Variants in MAPK14 observed in about 807,000 individuals in gnomAD.
MAPK14 encodes mitogen-activated protein kinase 14, also known as CSAID-binding protein.
In MAPK14, 16 loss-of-function variants were observed where a neutral mutation model predicts 49.6. The ratio of observed to expected loss-of-function variants is 0.32; its 90% CI spans 0.22 to 0.49. The LOEUF (loss-of-function observed/expected upper bound fraction) is 0.49. Among genes scored for constraint, MAPK14 ranks in the 20% least tolerant of loss-of-function variants. The pLI, the probability that MAPK14 is intolerant of heterozygous loss-of-function variation, is 0.99. For synonymous variants in MAPK14, 142 were observed against 158.0 expected (o/e 0.90, Z 0.76); for missense variants, 200 against 441.2 (o/e 0.45, Z 4.90).
intron 10 of MAPK14, among the ~76,000 whole-genome samples, chr6:36,103,631 C>T (rs1765708820): frequency 6.6e-6 from 1 of 152,194 alleles, no homozygotes; most frequent in Admixed American, 6.5e-5. Flanking sequence ...GACACTGTGC[C>T]TGGCGGACTA....
chr6:36,028,320 G>C lies in MAPK14; in HGVS notation c.116+47G>C. The C allele has an allele frequency of 2.2e-6, 3 of 1,359,806 alleles. No homozygotes were observed. The highest frequency in any genetic ancestry group is 2.3e-5 in the South Asian group (2 of 85,326). The allele number at this position is 1,359,806 out of a possible 1,614,324, so 84.2% of individuals were successfully genotyped here. ...GCCGCTGTGGGCAGGGTGGCCCCTC[G>C]CGCCCGAGGGCCAGGCCTGCTCCAC... is the stretch of plus-strand genomic sequence containing the variant. On this transcript the variant is annotated intron_variant, in intron 1 of 11. Transcript: ENST00000229794. This position sits in a 1 kb window ranked among gnomAD's most constrained non-coding sequence, Gnocchi z 5.1.
At chr6:36,113,697 CT>C (rs1205775030), downstream of MAPK14, among the ~76,000 whole-genome samples, 4 of 152,100 alleles carry the variant, frequency 2.6e-5, no homozygotes, top group Non-Finnish European at 5.9e-5. Context: ...TAATGTGTAC[CT>C]TTTTTTACAC....
At chr6:36,067,190 G>C (rs1764094440) in intron 3 of MAPK14, among the ~76,000 whole-genome samples, 1 of 152,036 alleles carries the variant, frequency 6.6e-6, no homozygotes, top group Non-Finnish European at 1.5e-5. Context: ...TCAATAAGAT[G>C]CCACCTTTTT....
At chr6:36,113,089 A>G (rs1453813509), downstream of MAPK14, among the ~76,000 whole-genome samples, 1 of 152,186 alleles carries the variant, frequency 6.6e-6, no homozygotes, top group Admixed American at 6.5e-5. Flanking sequence ...TTTATTTATA[A>G]TGCAGATATG....
At chr6:36,073,768 A>C (rs200673308) in intron 5 of MAPK14, 48 bp downstream of exon 5, 13 of 1,562,972 alleles carry the variant, frequency 8.3e-6, no homozygotes, top group East Asian at 6.7e-5. Context: ...GTGGGGTGAG[A>C]GTGGAAGAAT....
At chr6:36,039,862 G>A (rs539292891) in intron 1 of MAPK14, among the ~76,000 whole-genome samples, 1 of 152,064 alleles carries the variant, frequency 6.6e-6, no homozygotes, top group East Asian at 1.9e-4. Context: ...TGGGCATGGT[G>A]GTGTGTGCCT....
chr6:36,115,326 C>T (rs559978501), downstream of MAPK14, among the ~76,000 whole-genome samples: 34 of 152,260 alleles, frequency 2.2e-4, no homozygotes, highest in African/African-American at 7.9e-4. Context: ...TAACAAAAAC[C>T]AGTGGTTCTA....
intron 10 of MAPK14, among the ~76,000 whole-genome samples, chr6:36,104,717 C>T (rs530314024): frequency 1.3e-5 from 2 of 152,166 alleles, no homozygotes; most frequent in Non-Finnish European, 2.9e-5. Flanking sequence ...TCATTCTGTT[C>T]TGAAGTTGTT....
At chr6:36,092,869 G>C (rs768344748) in intron 8 of MAPK14, among the ~76,000 whole-genome samples, 3 of 152,160 alleles carry the variant, frequency 2.0e-5, no homozygotes, top group Non-Finnish European at 4.4e-5. Flanking sequence ...GGAAGGTGCT[G>C]GGGACAGGAT....
At chr6:36,067,925 C>G (rs544038028) in intron 3 of MAPK14, among the ~76,000 whole-genome samples, 2 of 151,834 alleles carry the variant, frequency 1.3e-5, no homozygotes, top group East Asian at 1.9e-4. Flanking sequence ...CTGTCCTCCA[C>G]GAACATTGTA....
chr6:36,096,156 A>G lies in MAPK14; in HGVS notation c.762+90A>G, dbSNP rs552296831. ...TGTACTTTGACCTGGGTGTGTTTGT[A>G]AGCACACATGCCCTTTGTGTGCTGA... On this transcript the variant is annotated intron_variant, in intron 9 of 11. Transcript: ENST00000229794. The G allele has an allele frequency of 2.6e-5, 23 of 873,534 alleles. No homozygotes were observed. The East Asian group carries it at 4.6e-4, about 18-fold the overall frequency. 54.1% of individuals were successfully genotyped at this position (873,534 alleles called of 1,614,324 possible). A position where few individuals can be genotyped will look rare whatever the true frequency, so the allele number is the denominator to read the frequency against.
intron 8 of MAPK14, among the ~76,000 whole-genome samples, chr6:36,090,137 AT>A (rs147672941): frequency 7.3e-5 from 11 of 151,318 alleles, no homozygotes; most frequent in South Asian, 2.1e-4. Flanking sequence ...CTTCTTATAT[AT>A]TTTTTTTTAT....
intron 8 of MAPK14, among the ~76,000 whole-genome samples, chr6:36,088,304 C>T (rs576486584): frequency 2.6e-5 from 4 of 152,262 alleles, no homozygotes; most frequent in East Asian, 3.9e-4. Flanking sequence ...AAGAAACTAT[C>T]GTCAGAGTGA....
chr6:36,040,047 T>G (rs528461068), intron 1 of MAPK14, among the ~76,000 whole-genome samples: 6 of 152,122 alleles, frequency 3.9e-5, no homozygotes, highest in Non-Finnish European at 5.9e-5. Context: ...TATTTATGTT[T>G]CCTCATAGAT....
At chr6:36,077,014 T>C (rs1764557385) in intron 8 of MAPK14, 1 of 155,686 alleles carries the variant, frequency 6.4e-6, no homozygotes, top group Non-Finnish European at 1.4e-5. Flanking sequence ...TATGTTTATG[T>C]ATTAAAAGGG....
intron 9 of MAPK14, among the ~76,000 whole-genome samples, chr6:36,101,832 T>TTGTGTG (rs1765649541): frequency 2.0e-5 from 3 of 152,206 alleles, no homozygotes; most frequent in Admixed American, 2.0e-4. Flanking sequence ...TTTTATAAAC[T>TTGTGTG]TGTGTGTGTA....
intron 9 of MAPK14, 99 bp downstream of exon 9, chr6:36,096,165 T>A (rs1765437615): frequency 2.5e-6 from 2 of 798,294 alleles, no homozygotes; most frequent in African/African-American, 1.7e-5. Context: ...TAAGCACACA[T>A]GCCCTTTGTG....
chr6:36,082,901 G>A (rs1764823098), intron 8 of MAPK14, among the ~76,000 whole-genome samples: 1 of 152,068 alleles, frequency 6.6e-6, no homozygotes, highest in Non-Finnish European at 1.5e-5. Flanking sequence ...TAGTGGTATT[G>A]GTTTATGCAT....
the MAPK14 span, among the ~76,000 whole-genome samples, chr6:36,124,118 TCCTCCCTCCCTCCCTC>T: frequency 4.4e-4 from 17 of 38,618 alleles, no homozygotes; most frequent in Admixed American, 1.1e-3. Flanking sequence ...TCTCTCTCTC[TCCTCCCTCCCTCCCTC>T]CCTCCCTCCC....
Sources: gnomAD v4.1 joint callset for allele counts (sites outside exome capture counted in the v4.1 genomes callset) on GRCh38, gnomAD v4.1.1 for gene constraint, Gnocchi (gnomAD v3.1) non-coding constraint, MANE v1.5 for transcripts, NCBI Gene and HGNC (gene_info 2026-07-23, HGNC 2026-07-21) for gene names.